The following TMEM131 variants were observed in gnomAD, a reference collection of about 807,000 sequenced individuals.
TMEM131 encodes the protein transmembrane protein 131.
Under a neutral mutation model 211.6 loss-of-function variants are expected in TMEM131, and 66 were observed. That is an observed-to-expected ratio of 0.31 (90% CI 0.26 to 0.38). The LOEUF (loss-of-function observed/expected upper bound fraction) is 0.38. TMEM131 is among the 10% of genes least tolerant of loss of function. The probability of loss-of-function intolerance (pLI) is 1.00; values close to 1 mark genes in which losing one functional copy is unlikely to be tolerated. For missense variants in TMEM131, 2,036 were observed against 2,299.3 expected (o/e 0.89, Z 2.34); for synonymous variants, 844 against 841.3 (o/e 1.00, Z -0.06).
chr2:97,802,484 A>G lies in TMEM131; in HGVS notation c.2595T>C (p.Phe865=). The change falls in exon 24 of 41, where the codon TTT becomes TTC. Residue 865 remains phenylalanine, a synonymous_variant. Coordinates refer to ENST00000186436, the MANE Select transcript of TMEM131 (RefSeq NM_015348.2). ...NPADVPVYVQ[F]IPLALYSNPS... ...GGTTGGAATATAAAGCCAGAGGAAT[A>G]AACTGAACATAGACAGGAACATCTG... The G allele has an allele frequency of 6.2e-7, 1 of 1,612,830 alleles. No individual in the cohort carries two copies. The highest frequency in any genetic ancestry group is 1.7e-4 in the Middle Eastern group (1 of 6,056).
At chr2:97,813,582 G>T (rs529873760) in intron 15 of TMEM131, among the ~76,000 whole-genome samples, 22 of 151,960 alleles carry the variant, frequency 1.4e-4, no homozygotes, top group African/African-American at 4.8e-4. Flanking sequence ...TCTTTGTCCC[G>T]ATATTTCTTG....
intron 12 of TMEM131, among the ~76,000 whole-genome samples, chr2:97,816,740 T>G (rs970952862): frequency 1.3e-5 from 2 of 152,216 alleles, no homozygotes; most frequent in Non-Finnish European, 2.9e-5. Context: ...AAGCATTTCA[T>G]GACATTGTAT....
intron 11 of TMEM131, among the ~76,000 whole-genome samples, chr2:97,818,964 C>T (rs1681981514): frequency 6.6e-6 from 1 of 152,150 alleles, no homozygotes; most frequent in African/African-American, 2.4e-5. Flanking sequence ...GTGTAAGAAT[C>T]TATTACATTT....
intron 1 of TMEM131, among the ~76,000 whole-genome samples, chr2:97,971,245 G>A (rs1037532871): frequency 2.0e-5 from 3 of 152,156 alleles, no homozygotes; most frequent in Non-Finnish European, 2.9e-5. Flanking sequence ...AGAGATCACT[G>A]AAATTGCTGA....
rs377600415 is a variant in TMEM131, at chr2:97,850,429, TA to T, written c.484-6169del. On this transcript the variant is annotated intron_variant, in intron 5 of 40. Coordinates refer to ENST00000186436, the MANE Select transcript of TMEM131 (RefSeq NM_015348.2). Reference sequence around the variant, plus strand: ...GTGGTCTGAATACATACCAGTGGTCTAAAAAAACCTCAAGCAGACAATTTAA... The same window carrying T: ...GTGGTCTGAATACATACCAGTGGTCTAAAAAACCTCAAGCAGACAATTTAA... Among the ~76,000 whole-genome samples the T allele has an allele frequency of 7.7e-4, 117 of 152,134 alleles. No individual in the cohort carries two copies. The East Asian group carries it at 0.014, about 19-fold the overall frequency.
chr2:97,830,060 A>G (rs547528118), intron 11 of TMEM131, among the ~76,000 whole-genome samples: 33 of 151,736 alleles, frequency 2.2e-4, no homozygotes, highest in Non-Finnish European at 4.6e-4. Flanking sequence ...ACGCTGCAGT[A>G]ATAACAAAGA....
chr2:97,815,684 T>C (rs951377128), intron 12 of TMEM131, among the ~76,000 whole-genome samples: 1 of 152,162 alleles, frequency 6.6e-6, no homozygotes, highest in Non-Finnish European at 1.5e-5. Flanking sequence ...TTGTGTGTAC[T>C]GTAGGATGTT....
intron 1 of TMEM131, among the ~76,000 whole-genome samples, chr2:97,993,993 G>A (rs1680374607): frequency 6.6e-6 from 1 of 152,184 alleles, no homozygotes; most frequent in Non-Finnish European, 1.5e-5. Flanking sequence ...TTCACTCAAA[G>A]GCTAAGCGCC....
intron 32 of TMEM131, 102 bp from the exon 33 acceptor site, chr2:97,772,526 C>T: frequency 7.8e-7 from 1 of 1,286,306 alleles, no homozygotes; most frequent in African/African-American, 1.5e-5. Context: ...TAAAAATATA[C>T]ACATCATATA....
intron 3 of TMEM131, among the ~76,000 whole-genome samples, chr2:97,903,301 G>C (rs1479627634): frequency 6.6e-6 from 1 of 152,052 alleles, no homozygotes; most frequent in African/African-American, 2.4e-5. Flanking sequence ...TTTTATGACA[G>C]CGCAAATGAT....
chr2:97,846,557 CA>C (rs1357154884), intron 5 of TMEM131, among the ~76,000 whole-genome samples: 1 of 152,180 alleles, frequency 6.6e-6, no homozygotes, highest in Non-Finnish European at 1.5e-5. Flanking sequence ...AGAACACCTA[CA>C]AAAACCCTAA....
chr2:97,980,347 G>C (rs72817726), intron 1 of TMEM131, among the ~76,000 whole-genome samples: 3,632 of 152,244 alleles, frequency 0.024, 81 homozygotes, highest in Non-Finnish European at 0.034. Context: ...CTGTGAAGGA[G>C]GCAAAGTGCA....
intron 11 of TMEM131, among the ~76,000 whole-genome samples, chr2:97,821,551 C>T (rs562445557): frequency 2.6e-5 from 4 of 152,274 alleles, no homozygotes; most frequent in African/African-American, 4.8e-5. Context: ...ACACTCACCA[C>T]GAAGGTCTGC....
intron 13 of TMEM131, 142 bp from the exon 14 acceptor site, chr2:97,814,530 T>C (rs986439739): frequency 3.5e-6 from 3 of 868,192 alleles, no homozygotes. Context: ...AATATTTTAG[T>C]GATTGACTAT....
At chr2:97,981,272 T>C (rs1249117290) in intron 1 of TMEM131, among the ~76,000 whole-genome samples, 1 of 151,504 alleles carries the variant, frequency 6.6e-6, no homozygotes, top group Non-Finnish European at 1.5e-5. Context: ...TCCAATAGTT[T>C]TCATTCACAA....
In TMEM131 at chr2:97,760,612, C is replaced by G. The variant is rs749692981; in HGVS notation, c.5089G>C (p.Asp1697His). 1 of 1,612,048 alleles carries G rather than the reference C, an allele frequency of 6.2e-7. No homozygotes were observed. The highest frequency in any genetic ancestry group is 1.1e-5 in the South Asian group (1 of 90,632). ...CCGTACCTGTCTGAGCCATCGCTGTCAACAGGAGCGTGTGAAATGCCAAGG... is the reference window on the plus strand; with the variant it reads ...CCGTACCTGTCTGAGCCATCGCTGTGAACAGGAGCGTGTGAAATGCCAAGG... ...SSLGISHAPV[D>H]SDGSDSSGLW... Residue 1697 changes from aspartate (D) to histidine (H), a missense_variant, in exon 38 of 41, where the codon GAC becomes CAC. Transcript: ENST00000186436.
chr2:97,797,225 C>T (rs2104906095), intron 26 of TMEM131, 140 bp downstream of exon 26: 2 of 888,510 alleles, frequency 2.3e-6, no homozygotes, highest in South Asian at 3.6e-5. Flanking sequence ...TATGTTTCAT[C>T]AGGCATGGAG....
At chr2:97,995,319 C>A (rs1680447458) in intron 1 of TMEM131, among the ~76,000 whole-genome samples, 157 bp downstream of exon 1, 1 of 152,188 alleles carries the variant, frequency 6.6e-6, no homozygotes, top group Non-Finnish European at 1.5e-5. Flanking sequence ...CCACTCCGTG[C>A]GGCGGGCGCC....
At chr2:97,888,420 T>C (rs1301088572) in intron 3 of TMEM131, among the ~76,000 whole-genome samples, 1 of 152,238 alleles carries the variant, frequency 6.6e-6, no homozygotes, top group Non-Finnish European at 1.5e-5. Context: ...TATACTTTAA[T>C]AGGTCGCTTG....
Sources: gnomAD v4.1 joint callset for allele counts (sites outside exome capture counted in the v4.1 genomes callset) on GRCh38, gnomAD v4.1.1 for gene constraint, MANE v1.5 for transcripts, NCBI Gene and HGNC (gene_info 2026-07-23, HGNC 2026-07-21) for gene names.